The following DOCK7 variants were observed in gnomAD, a reference collection of about 807,000 sequenced individuals.
The protein encoded by DOCK7 is dedicator of cytokinesis 7.
Under a neutral mutation model 271.0 loss-of-function variants are expected in DOCK7, and 138 were observed. That is an observed-to-expected ratio of 0.51 (90% CI 0.44 to 0.59). DOCK7 has a LOEUF of 0.59. Among genes scored for constraint, DOCK7 ranks in the 20% least tolerant of loss-of-function variants. The pLI is 0.00. For synonymous variants in DOCK7, 823 were observed against 876.1 expected (o/e 0.94, Z 1.07); for missense variants, 2,066 against 2,592.4 (o/e 0.80, Z 4.41).
intron 6 of DOCK7, 113 bp from the exon 7 acceptor site, chr1:62,647,889 AGAG>A (rs1656871029): frequency 2.2e-6 from 2 of 892,722 alleles, no homozygotes. Context: ...AATAGAACAT[AGAG>A]AAGAATGACC....
At chr1:62,529,572 T>C (rs1645114958) in intron 29 of DOCK7, 126 bp from the exon 30 acceptor site, 3 of 560,940 alleles carry the variant, frequency 5.3e-6, no homozygotes, top group Admixed American at 3.9e-5. Flanking sequence ...CTTTGTCATA[T>C]ATTTGCATGC....
intron 7 of DOCK7, among the ~76,000 whole-genome samples, chr1:62,640,939 G>C (rs1283347698): frequency 6.6e-6 from 1 of 152,148 alleles, no homozygotes; most frequent in Admixed American, 6.5e-5. Context: ...TCTTAGAGTG[G>C]CTTAAAGTAA....
intron 15 of DOCK7, chr1:62,585,012 A>G: frequency 2.2e-6 from 1 of 460,902 alleles, no homozygotes; most frequent in East Asian, 3.4e-5. Context: ...AGGCTGACCA[A>G]GTATCTATTT....
At chr1:62,649,995 A>ATC (rs1406107027) in intron 4 of DOCK7, among the ~76,000 whole-genome samples, 1 of 152,200 alleles carries the variant, frequency 6.6e-6, no homozygotes, top group Admixed American at 6.5e-5. Flanking sequence ...CACACCTGTA[A>ATC]TCCCAACACT....
chr1:62,645,438 T>C (rs1035773813), intron 7 of DOCK7, among the ~76,000 whole-genome samples: 2 of 151,812 alleles, frequency 1.3e-5, no homozygotes, highest in Non-Finnish European at 2.9e-5. Flanking sequence ...AAGGACTACA[T>C]ATTGCATGAT....
At position 62,625,450 on chromosome 1, in the gene DOCK7, G is replaced by A. The variant is rs773086619; in HGVS notation, c.1283-49C>T. 14 of 1,539,670 alleles carry A rather than the reference G, an allele frequency of 9.1e-6. No homozygotes were observed. In the Admixed American group the frequency reaches 2.7e-4, roughly 30 times the overall value. On this transcript the variant is annotated intron_variant, in intron 11 of 49. Transcript: ENST00000635253. ...TTCATTTTCATAGAAGTTAAATTTT[G>A]TTTTAAAGTAGCTTTCCAAACACAA...
chr1:62,665,369 C>T (rs923533022), intron 1 of DOCK7, among the ~76,000 whole-genome samples: 26 of 152,212 alleles, frequency 1.7e-4, no homozygotes, highest in African/African-American at 6.0e-4. Flanking sequence ...TATCCTGATC[C>T]TCTCATCGAA....
At chr1:62,644,486 G>T (rs1656398922) in intron 7 of DOCK7, among the ~76,000 whole-genome samples, 1 of 152,138 alleles carries the variant, frequency 6.6e-6, no homozygotes, top group South Asian at 2.1e-4. Context: ...TTAAAACCAG[G>T]ATGAGCAACA....
At chr1:62,586,802 A>G (rs776780652) in intron 14 of DOCK7, among the ~76,000 whole-genome samples, 178 bp from the exon 15 acceptor site, 10 of 152,212 alleles carry the variant, frequency 6.6e-5, no homozygotes, top group Non-Finnish European at 1.0e-4. Flanking sequence ...ATTCAAATAC[A>G]CAGCAATAAA....
intron 37 of DOCK7, among the ~76,000 whole-genome samples, chr1:62,501,799 T>C (rs1319110307): frequency 6.6e-6 from 1 of 152,104 alleles, no homozygotes; most frequent in African/African-American, 2.4e-5. Context: ...TGCAAGGTTA[T>C]GAATGACTAG....
chr1:62,633,224 G>C (rs894185985), intron 10 of DOCK7, among the ~76,000 whole-genome samples: 5 of 151,982 alleles, frequency 3.3e-5, no homozygotes, highest in African/African-American at 1.2e-4. Flanking sequence ...AAAATGTAAA[G>C]AGTCAGTTAG....
intron 14 of DOCK7, chr1:62,601,198 T>C (rs749920366): frequency 6.4e-7 from 1 of 1,569,826 alleles, no homozygotes; most frequent in Non-Finnish European, 8.8e-7. Context: ...AACATGATGG[T>C]AAGACACTTT....
At chr1:62,617,487 G>T (rs1484250963) in intron 14 of DOCK7, among the ~76,000 whole-genome samples, 2 of 151,942 alleles carry the variant, frequency 1.3e-5, no homozygotes, top group East Asian at 3.8e-4. Flanking sequence ...CAAAATTCAA[G>T]ATCAGAGACT....
chr1:62,475,498 A>G (rs374950418), intron 46 of DOCK7, 147 bp from the exon 47 acceptor site: 7 of 76,156 alleles, frequency 9.2e-5, no homozygotes, highest in Non-Finnish European at 1.4e-4. Context: ...TTCCTAAATG[A>G]AAAAAAAAAA....
chr1:62,641,307 G>A (rs891575963), intron 7 of DOCK7: 39 of 414,890 alleles, frequency 9.4e-5, no homozygotes, highest in Non-Finnish European at 1.7e-4. Context: ...CCATGAGCCA[G>A]GAGCCCCAGG....
chr1:62,647,056 T>C (rs753506783), intron 7 of DOCK7, among the ~76,000 whole-genome samples: 22 of 152,206 alleles, frequency 1.4e-4, no homozygotes, highest in Admixed American at 1.4e-3. Flanking sequence ...AGGAAAGAAA[T>C]TGCCAGAATT....
At chr1:62,490,068 T>C (rs952639538) in intron 41 of DOCK7, among the ~76,000 whole-genome samples, 3 of 150,420 alleles carry the variant, frequency 2.0e-5, no homozygotes, top group African/African-American at 7.3e-5. Context: ...TCCTTTTTTT[T>C]TTTTTTTTTT....
chr1:62,468,830 AC>A (rs201080582), intron 48 of DOCK7, among the ~76,000 whole-genome samples: 2,516 of 152,128 alleles, frequency 0.017, 66 homozygotes, highest in African/African-American at 0.057. Flanking sequence ...CAAAAAAAAA[AC>A]AACCTCAAAA....
In DOCK7 at chr1:62,479,544, T is replaced by A. The variant is rs116651903; in HGVS notation, c.5509-1719A>T. Among the ~76,000 whole-genome samples the A allele has an allele frequency of 4.6e-3, 696 of 152,096 alleles. 6 individuals carry two copies. Among genetic ancestry groups the A allele is most frequent in the African/African-American group, 0.016 (673 of 41,510 alleles). On this transcript the variant is annotated intron_variant, in intron 43 of 49. Coordinates refer to ENST00000635253, the MANE Select transcript of DOCK7 (RefSeq NM_001367561.1). ...AAAGAACAACATAATAATAGTAAATTCTGACTTAAGTAATAAAGGCACTGC... is the reference window on the plus strand; with the variant it reads ...AAAGAACAACATAATAATAGTAAATACTGACTTAAGTAATAAAGGCACTGC...
Sources: allele counts gnomAD v4.1 joint callset (sites outside exome capture counted in the v4.1 genomes callset), GRCh38; gene constraint gnomAD v4.1.1; transcripts MANE v1.5; gene names NCBI Gene and HGNC (gene_info 2026-07-23, HGNC 2026-07-21).